The following TTC7B variants were observed in gnomAD, a reference collection of about 807,000 sequenced individuals.
The protein encoded by TTC7B is tetratricopeptide repeat domain 7B, also known as tetratricopeptide repeat protein 7B.
TTC7B carries 28 observed loss-of-function variants against 106.8 expected under a neutral mutation model. The ratio of observed to expected loss-of-function variants is 0.26; its 90% CI spans 0.19 to 0.36. The LOEUF (loss-of-function observed/expected upper bound fraction) is 0.36, where lower values mean the gene tolerates loss of function less well. Ranked by LOEUF, TTC7B falls within the 10% of genes least tolerant of loss-of-function variation. The pLI is 1.00. For synonymous variants in TTC7B, 405 were observed against 430.6 expected (o/e 0.94, Z 0.74); for missense variants, 862 against 1,076.4 (o/e 0.80, Z 2.79).
intron 17 of TTC7B, among the ~76,000 whole-genome samples, chr14:90,604,967 A>G (rs1892578151): frequency 1.3e-5 from 2 of 152,238 alleles, no homozygotes; most frequent in Admixed American, 1.3e-4. Context: ...AACAGTTTAC[A>G]GCACTGTTTC....
Position 90,654,984 on chromosome 14 carries a change from GTC to G in TTC7B, c.1459+7_1459+8del. 1.9e-6 allele frequency: 3 copies of G among 1,601,232 alleles called. No individual in the cohort carries two copies. In the South Asian group the frequency reaches 3.3e-5, roughly 18 times the overall value. On this transcript the variant is annotated splice_region_variant and intron_variant, in intron 12 of 19. Coordinates refer to ENST00000328459, the MANE Select transcript of TTC7B (RefSeq NM_001010854.2). ...AGCTCAGCAGCTGTGGGGGTGGGAC[GTC>G]TCTCACCGTCAGTGGCCTGCAGACT...
chr14:90,814,112 C>T (rs1198376832), intron 1 of TTC7B, among the ~76,000 whole-genome samples: 1 of 152,202 alleles, frequency 6.6e-6, no homozygotes, highest in African/African-American at 2.4e-5. Context: ...TGAGTTTCCC[C>T]AAACTGAACT....
At chr14:90,543,461 C>T (rs1889688982) in intron 19 of TTC7B, among the ~76,000 whole-genome samples, 1 of 152,186 alleles carries the variant, frequency 6.6e-6, no homozygotes, top group Non-Finnish European at 1.5e-5. Context: ...CACTATTTTC[C>T]AACAAGCCAC....
intron 15 of TTC7B, among the ~76,000 whole-genome samples, chr14:90,630,099 A>C (rs1305054559): frequency 6.6e-6 from 1 of 152,188 alleles, no homozygotes; most frequent in Non-Finnish European, 1.5e-5. Context: ...TCTCATAAAC[A>C]AACGTGGCTT....
intron 18 of TTC7B, among the ~76,000 whole-genome samples, chr14:90,592,423 C>T (rs1443092479): frequency 6.6e-6 from 1 of 152,168 alleles, no homozygotes; most frequent in Admixed American, 6.5e-5. Flanking sequence ...AAAATGCCTG[C>T]ACAGGCCAGG....
chr14:90,750,099 C>T (rs186818942), intron 3 of TTC7B, among the ~76,000 whole-genome samples: 54 of 152,326 alleles, frequency 3.5e-4, no homozygotes, highest in African/African-American at 1.2e-3. Context: ...ACAAATTCAC[C>T]ATTTGCCAGA....
chr14:90,810,954 G>T (rs2030868233), intron 1 of TTC7B, among the ~76,000 whole-genome samples: 1 of 152,166 alleles, frequency 6.6e-6, no homozygotes, highest in Non-Finnish European at 1.5e-5. Context: ...GAAGTCGGGG[G>T]AATGAAGGCA....
intron 5 of TTC7B, among the ~76,000 whole-genome samples, chr14:90,725,522 A>G (rs1039110561): frequency 1.3e-5 from 2 of 152,244 alleles, no homozygotes; most frequent in African/African-American, 4.8e-5. Flanking sequence ...AAGTAGATGC[A>G]TAGTGGTGAT....
Position 90,530,349 on chromosome 14 carries a change from G to A in TTC7B, c.*11019C>T, listed in dbSNP as rs539547659. On this transcript the variant is annotated 3_prime_UTR_variant, in exon 20 of 20. Transcript: ENST00000328459. ...GCTGAGAAGGTGAGCGCTAAATAGT[G>A]GAATTTAATGATCTTAGTCTTCGTA... is the stretch of plus-strand genomic sequence containing the variant. 20 of 152,284 alleles carry A rather than the reference G, an allele frequency of 1.3e-4. No homozygotes were observed. Among genetic ancestry groups the A allele is most frequent in the African/African-American group, 4.8e-4 (20 of 41,556 alleles). The allele number at this position is 152,284 out of a possible 1,614,324, so 9.4% of individuals were successfully genotyped here. A position where few individuals can be genotyped will look rare whatever the true frequency, so the allele number is the denominator to read the frequency against.
rs1012869051 is a variant in TTC7B at position 90,626,006 on chromosome 14, T to C, written c.1752-7961A>G. Among the ~76,000 whole-genome samples, 10 of 152,076 alleles carry C rather than the reference T, an allele frequency of 6.6e-5. No individual in the cohort carries two copies. The East Asian group carries it at 1.9e-3, about 29-fold the overall frequency. ...GAATCCCCTGGGAGCTTGCAAGAAATAGAAGAATCTCCAGGTTCTCCACTC... is the reference window on the plus strand; with the variant it reads ...GAATCCCCTGGGAGCTTGCAAGAAACAGAAGAATCTCCAGGTTCTCCACTC... On this transcript the variant is annotated intron_variant, in intron 15 of 19. Coordinates refer to ENST00000328459, the MANE Select transcript of TTC7B (RefSeq NM_001010854.2).
intron 9 of TTC7B, among the ~76,000 whole-genome samples, chr14:90,674,173 A>G (rs1886735913): frequency 6.6e-6 from 1 of 152,190 alleles, no homozygotes. Flanking sequence ...AGGAAAAAAA[A>G]GTGGATTCAG....
At chr14:90,769,265 T>C (rs7153430) in intron 3 of TTC7B, among the ~76,000 whole-genome samples, 42,097 of 152,046 alleles carry the variant, frequency 0.28, 9,649 homozygotes, top group African/African-American at 0.64. Context: ...AAGCAAGGGA[T>C]AAAAAAGCTA....
At chr14:90,630,132 C>A (rs931560908) in intron 15 of TTC7B, among the ~76,000 whole-genome samples, 1 of 152,204 alleles carries the variant, frequency 6.6e-6, no homozygotes, top group Non-Finnish European at 1.5e-5. Context: ...CCTGCCATTT[C>A]CCCTCTTCCA....
At chr14:90,558,831 T>A (rs1890444839) in intron 19 of TTC7B, among the ~76,000 whole-genome samples, 1 of 152,166 alleles carries the variant, frequency 6.6e-6, no homozygotes, top group South Asian at 2.1e-4. Flanking sequence ...CTGGAGTTTT[T>A]TACAAACTTT....
chr14:90,752,830 G>A (rs890184808), intron 3 of TTC7B, among the ~76,000 whole-genome samples: 3 of 152,214 alleles, frequency 2.0e-5, no homozygotes, highest in African/African-American at 7.2e-5. Flanking sequence ...TCACTGAGCT[G>A]TTGACAGCAG....
chr14:90,681,596 C>G (rs1317508992), intron 7 of TTC7B, among the ~76,000 whole-genome samples: 1 of 152,114 alleles, frequency 6.6e-6, no homozygotes, highest in African/African-American at 2.4e-5. Flanking sequence ...AGGAGGAATG[C>G]AGCGCCTGGT....
intron 10 of TTC7B, 87 bp downstream of exon 10, chr14:90,658,217 C>T (rs1886031127): frequency 1.7e-6 from 2 of 1,160,218 alleles, no homozygotes; most frequent in Admixed American, 1.9e-5. Flanking sequence ...TCCACAAAGT[C>T]TATCATTCCG....
chr14:90,769,102 A>C (rs1227990413), intron 3 of TTC7B, among the ~76,000 whole-genome samples: 1 of 152,208 alleles, frequency 6.6e-6, no homozygotes, highest in African/African-American at 2.4e-5. Flanking sequence ...GCTGGTATAC[A>C]TTTAAGTTAG....
chr14:90,695,343 T>G (rs1302993639), intron 6 of TTC7B, among the ~76,000 whole-genome samples, 157 bp downstream of exon 6: 1 of 149,066 alleles, frequency 6.7e-6, no homozygotes. Context: ...TCACATATAT[T>G]TATTATAAAT....
Sources: allele counts gnomAD v4.1 joint callset (sites outside exome capture counted in the v4.1 genomes callset), GRCh38; gene constraint gnomAD v4.1.1; transcripts MANE v1.5; gene names NCBI Gene and HGNC (gene_info 2026-07-23, HGNC 2026-07-21).